The following UCHL3 variants were observed in gnomAD, a reference collection of about 807,000 sequenced individuals.
UCHL3 encodes ubiquitin carboxyl-terminal hydrolase isozyme L3.
UCHL3 carries 22 observed loss-of-function variants against 35.8 expected under a neutral mutation model. That is an observed-to-expected ratio of 0.61 (90% CI 0.44 to 0.88). The LOEUF (loss-of-function observed/expected upper bound fraction) is 0.88, where lower values mean the gene tolerates loss of function less well. Among genes scored for constraint, UCHL3 ranks in the 40% least tolerant of loss-of-function variants. The pLI, the probability that UCHL3 is intolerant of heterozygous loss-of-function variation, is 0.00. For missense variants in UCHL3, 229 were observed against 276.9 expected, an observed-to-expected ratio of 0.83 and a Z score of 1.23; for synonymous variants, 90 against 92.8, an observed-to-expected ratio of 0.97 and a Z score of 0.17.
intron 8 of UCHL3, among the ~76,000 whole-genome samples, chr13:75,605,501 C>G (rs2032914953): frequency 6.6e-6 from 1 of 152,102 alleles, no homozygotes; most frequent in African/African-American, 2.4e-5. Context: ...GAGGGCAAGA[C>G]TCTGTCTCAA....
intron 2 of UCHL3, among the ~76,000 whole-genome samples, chr13:75,559,489 G>A (rs980617967): frequency 1.3e-5 from 2 of 152,122 alleles, no homozygotes; most frequent in Non-Finnish European, 2.9e-5. Flanking sequence ...GATATCATTA[G>A]CAAGTAGATT....
rs1040961275 is a variant in UCHL3, at chr13:75,574,753, G to A, written c.474+5246G>A. ...GAAGATGAGGCTGAAGTAATAGGGT[G>A]AAGCCATATCTGGGGGGCTTGGATT... On this transcript the variant is annotated intron_variant, in intron 6 of 8. Transcript: ENST00000377595. 3.8e-4 allele frequency among the ~76,000 whole-genome samples: 58 copies of A among 152,326 alleles called. No individual in the cohort carries two copies. In the East Asian group the frequency reaches 0.01, roughly 26 times the overall value.
At chr13:75,605,174 A>T (rs2138598561) in intron 8 of UCHL3, among the ~76,000 whole-genome samples, 1 of 152,324 alleles carries the variant, frequency 6.6e-6, no homozygotes, top group South Asian at 2.1e-4. Context: ...AGAATCAATG[A>T]AACGTGATTT....
At chr13:75,578,000 C>T (rs1490075832) in intron 6 of UCHL3, among the ~76,000 whole-genome samples, 1 of 152,036 alleles carries the variant, frequency 6.6e-6, no homozygotes, top group Non-Finnish European at 1.5e-5. Flanking sequence ...TGAAAAATAA[C>T]AGCAGTATTG....
At chr13:75,602,856 C>T (rs1385058711) in intron 7 of UCHL3, among the ~76,000 whole-genome samples, 1 of 151,950 alleles carries the variant, frequency 6.6e-6, no homozygotes, top group East Asian at 1.9e-4. Flanking sequence ...ATAGACTGTA[C>T]GGTTTTGACA....
intron 7 of UCHL3, among the ~76,000 whole-genome samples, chr13:75,597,188 G>C (rs920905279): frequency 2.6e-5 from 4 of 152,148 alleles, no homozygotes; most frequent in Non-Finnish European, 5.9e-5. Context: ...TTAGTGAGTA[G>C]AAAATAATGA....
intron 7 of UCHL3, among the ~76,000 whole-genome samples, chr13:75,601,617 G>A (rs998871254): frequency 6.6e-5 from 10 of 152,066 alleles, no homozygotes; most frequent in Non-Finnish European, 8.8e-5. Context: ...ATACCTAATA[G>A]ACTACAGAGT....
chr13:75,592,456 A>ATACATATATATATATATGTATATATG (rs2032532707), intron 6 of UCHL3, among the ~76,000 whole-genome samples: 1 of 119,072 alleles, frequency 8.4e-6, no homozygotes, highest in Admixed American at 8.9e-5. Context: ...ATATATATAT[A>ATACATATATATATATATGTATATATG]TATATATATA....
At chr13:75,592,433 T>TATGAAGGAAATATATATATATTTGA (rs2032512951) in intron 6 of UCHL3, among the ~76,000 whole-genome samples, 3 of 99,112 alleles carry the variant, frequency 3.0e-5, no homozygotes. Context: ...TATATATATA[T>TATGAAGGAAATATATATATATTTGA]ATATATATAT....
chr13:75,588,278 CCT>C (rs1202958718), intron 6 of UCHL3, among the ~76,000 whole-genome samples: 22 of 152,010 alleles, frequency 1.4e-4, no homozygotes, highest in African/African-American at 5.3e-4. Flanking sequence ...GTAATATTTC[CCT>C]CTCTAGATTC....
intron 4 of UCHL3, 36 bp downstream of exon 4, chr13:75,566,887 T>G: frequency 6.4e-7 from 1 of 1,565,818 alleles, no homozygotes; most frequent in Non-Finnish European, 8.6e-7. Flanking sequence ...TTTTCCCCCT[T>G]AAGATACAAG....
At chr13:75,581,155 ATC>A (rs199615940) in intron 6 of UCHL3, among the ~76,000 whole-genome samples, 2,089 of 152,248 alleles carry the variant, frequency 0.014, 65 homozygotes, top group African/African-American at 0.048. Context: ...TATTTTAACT[ATC>A]TACCCACTAA....
chr13:75,565,414 A>G (rs971915241), intron 3 of UCHL3, among the ~76,000 whole-genome samples: 7 of 152,192 alleles, frequency 4.6e-5, no homozygotes, highest in Non-Finnish European at 1.0e-4. Context: ...GCACAGATAC[A>G]TTTGTTGTTA....
intron 2 of UCHL3, among the ~76,000 whole-genome samples, chr13:75,551,492 C>T (rs1342682393): frequency 6.7e-6 from 1 of 150,344 alleles, no homozygotes; most frequent in Non-Finnish European, 1.5e-5. Flanking sequence ...TGACGCCAAA[C>T]TAGACAATTC....
intron 3 of UCHL3, among the ~76,000 whole-genome samples, chr13:75,564,973 GGTGTGA>G (rs1363076676): frequency 6.6e-6 from 1 of 152,196 alleles, no homozygotes; most frequent in Non-Finnish European, 1.5e-5. Flanking sequence ...TGGGATTACA[GGTGTGA>G]GCTACTGCGC....
chr13:75,590,100 C>T (rs780661979), intron 6 of UCHL3: 12 of 1,304,220 alleles, frequency 9.2e-6, no homozygotes, highest in Admixed American at 2.3e-5. Context: ...ACCCTTCTTA[C>T]GTCTACCATC....
intron 6 of UCHL3, among the ~76,000 whole-genome samples, chr13:75,594,514 G>A (rs923201895): frequency 2.6e-5 from 4 of 152,162 alleles, no homozygotes; most frequent in Non-Finnish European, 5.9e-5. Flanking sequence ...AAGCTGTTAG[G>A]TGTAAAAATA....
intron 7 of UCHL3, among the ~76,000 whole-genome samples, chr13:75,602,906 T>C (rs936761306): frequency 6.6e-6 from 1 of 152,212 alleles, no homozygotes; most frequent in African/African-American, 2.4e-5. Flanking sequence ...TCTATAATAA[T>C]TGAAATTAAT....
At chr13:75,575,679 C>T (rs2031998509) in intron 6 of UCHL3, among the ~76,000 whole-genome samples, 1 of 151,700 alleles carries the variant, frequency 6.6e-6, no homozygotes, top group Non-Finnish European at 1.5e-5. Context: ...TGAGCTGAAA[C>T]CGTCTGGCTG....
Sources: gnomAD v4.1 joint callset for allele counts (sites outside exome capture counted in the v4.1 genomes callset) on GRCh38, gnomAD v4.1.1 for gene constraint, MANE v1.5 for transcripts, NCBI Gene and HGNC (gene_info 2026-07-23, HGNC 2026-07-21) for gene names.